JAK2: variants seen among roughly 807,000 people sequenced by gnomAD.
JAK2 encodes Janus kinase 2, also known as tyrosine-protein kinase JAK2.
A neutral mutation model predicts 139.3 loss-of-function variants in JAK2; 86 were observed. The observed-to-expected ratio is 0.62, with a 90% CI of 0.52 to 0.74. JAK2 has a LOEUF of 0.74. Among genes scored for constraint, JAK2 ranks in the 30% least tolerant of loss-of-function variants. The probability of loss-of-function intolerance (pLI) is 0.00; values close to 1 mark genes in which losing one functional copy is unlikely to be tolerated. For missense variants in JAK2, 1,421 were observed against 1,360.3 expected, an observed-to-expected ratio of 1.04 and a Z score of -0.70; for synonymous variants, 490 against 437.7, an observed-to-expected ratio of 1.12 and a Z score of -1.49.
chr9:5,047,624 T>A (rs1331941264), intron 5 of JAK2, among the ~76,000 whole-genome samples: 1 of 152,220 alleles, frequency 6.6e-6, no homozygotes, highest in East Asian at 1.9e-4. Context: ...TTTTGTCAGC[T>A]ACTCAAATGA....
At chr9:5,067,996 C>A (rs975395633) in intron 10 of JAK2, among the ~76,000 whole-genome samples, 1 of 151,794 alleles carries the variant, frequency 6.6e-6, no homozygotes, top group Non-Finnish European at 1.5e-5. Flanking sequence ...CCTGTCTCTA[C>A]CAAAATTACA....
chr9:4,988,096 C>T (rs990725103), intron 2 of JAK2, among the ~76,000 whole-genome samples: 1 of 152,166 alleles, frequency 6.6e-6, no homozygotes, highest in Non-Finnish European at 1.5e-5. Context: ...TATTGTGCTG[C>T]CCCCTTGTGG....
intron 2 of JAK2, among the ~76,000 whole-genome samples, chr9:5,017,335 C>G (rs772208732): frequency 6.6e-6 from 1 of 152,128 alleles, no homozygotes; most frequent in Non-Finnish European, 1.5e-5. Context: ...ACAAAACAAT[C>G]CAAAGTCAGT....
At chr9:5,075,165 T>G (rs1819225748) in intron 14 of JAK2, among the ~76,000 whole-genome samples, 3 of 151,972 alleles carry the variant, frequency 2.0e-5, no homozygotes, top group Admixed American at 2.0e-4. Context: ...TCATGAGGTT[T>G]AAGAAAAGAA....
At chr9:5,093,681 G>A (rs1168099588) in intron 22 of JAK2, among the ~76,000 whole-genome samples, 3 of 152,104 alleles carry the variant, frequency 2.0e-5, no homozygotes, top group Non-Finnish European at 4.4e-5. Context: ...TAGTCTAAGC[G>A]AGTTAATACA....
At chr9:5,011,195 C>G (rs922568938) in intron 2 of JAK2, among the ~76,000 whole-genome samples, 9 of 151,856 alleles carry the variant, frequency 5.9e-5, no homozygotes, top group Non-Finnish European at 1.0e-4. Context: ...TCAAGTATTT[C>G]CTCTGTTCCA....
chr9:4,998,639 A>C (rs2225125), intron 2 of JAK2, among the ~76,000 whole-genome samples: 2 of 151,722 alleles, frequency 1.3e-5, no homozygotes, highest in African/African-American at 4.8e-5. Flanking sequence ...GTGAATTATA[A>C]ATCTGGCTTT....
At chr9:5,042,540 C>T (rs1586690706) in intron 4 of JAK2, among the ~76,000 whole-genome samples, 1 of 152,206 alleles carries the variant, frequency 6.6e-6, no homozygotes, top group Non-Finnish European at 1.5e-5. Flanking sequence ...CCCCTCCACC[C>T]CCACCCCTCC....
intron 22 of JAK2, chr9:5,097,699 C>T (rs1821115192): frequency 6.6e-6 from 1 of 152,216 alleles, no homozygotes; most frequent in Admixed American, 6.5e-5. Flanking sequence ...ATTCATCTTT[C>T]TTTTCACAGT....
intron 22 of JAK2, chr9:5,112,580 C>T (rs953139481): frequency 7.0e-6 from 5 of 710,430 alleles, no homozygotes; most frequent in Non-Finnish European, 1.2e-5. Flanking sequence ...CTGCGGGTCC[C>T]TTAAGAGGGC....
chr9:5,021,214 CTG>C (rs1444100118), intron 2 of JAK2, among the ~76,000 whole-genome samples: 2 of 152,180 alleles, frequency 1.3e-5, no homozygotes, highest in African/African-American at 4.8e-5. Flanking sequence ...TATCACTTCT[CTG>C]TTGAATTTCC....
At chr9:5,085,733 G>T in intron 19 of JAK2, 1 of 753,854 alleles carries the variant, frequency 1.3e-6, no homozygotes, top group South Asian at 1.4e-5. Context: ...CTGCAATTAA[G>T]GCTGTGGCGC....
chr9:5,033,592 T>G (rs1330360375), intron 4 of JAK2, among the ~76,000 whole-genome samples: 3 of 152,184 alleles, frequency 2.0e-5, no homozygotes, highest in African/African-American at 7.2e-5. Context: ...TATTCAACAT[T>G]CTTAAAGAAA....
intron 19 of JAK2, chr9:5,086,240 C>G: frequency 1.7e-6 from 1 of 585,354 alleles, no homozygotes; most frequent in Non-Finnish European, 2.2e-6. Flanking sequence ...CTGAAAGTCG[C>G]GGTAGGATGG....
chr9:5,086,634 T>C (rs993809882), intron 19 of JAK2, among the ~76,000 whole-genome samples: 1 of 152,206 alleles, frequency 6.6e-6, no homozygotes, highest in Non-Finnish European at 1.5e-5. Context: ...AAAGTTATGA[T>C]TATGTTAAAT....
At chr9:5,027,096 T>C (rs1216214412) in intron 3 of JAK2, among the ~76,000 whole-genome samples, 1 of 152,192 alleles carries the variant, frequency 6.6e-6, no homozygotes, top group Non-Finnish European at 1.5e-5. Context: ...TCAGGGAAAC[T>C]TGAAAATTTG....
intron 8 of JAK2, among the ~76,000 whole-genome samples, chr9:5,058,531 G>C (rs1379598761): frequency 6.6e-6 from 1 of 152,164 alleles, no homozygotes; most frequent in African/African-American, 2.4e-5. Context: ...TTAAAGATGA[G>C]AGTTGGGTGG....
intron 2 of JAK2, among the ~76,000 whole-genome samples, chr9:4,987,093 TAC>T (rs1285022472): frequency 2.6e-5 from 4 of 152,234 alleles, no homozygotes; most frequent in Admixed American, 6.5e-5. Flanking sequence ...GTAACGTATG[TAC>T]AGACTGGATG....
Position 5,126,395 on chromosome 9 carries a change from A to G in JAK2, c.3240A>G (p.Glu1080=), listed in dbSNP as rs751405569. ...AGATGATCGTGTTCCATTTGATAGA[A>G]CTTTTGAAGAATAATGGAAGATTAC... The part of the protein sequence containing the change: ...QGQMIVFHLI[E]LLKNNGRLPR... Residue 1080 remains glutamate, a synonymous_variant, in exon 24 of 25, where the codon GAA becomes GAG. Coordinates refer to ENST00000381652, the MANE Select transcript of JAK2 (RefSeq NM_004972.4). 2 of 1,611,158 alleles carry G rather than the reference A, an allele frequency of 1.2e-6. No individual in the cohort carries two copies. Among genetic ancestry groups the G allele is most frequent in the Non-Finnish European group, 1.7e-6 (2 of 1,178,170 alleles).
Sources: allele counts gnomAD v4.1 joint callset (sites outside exome capture counted in the v4.1 genomes callset), GRCh38; gene constraint gnomAD v4.1.1; transcripts MANE v1.5; gene names NCBI Gene and HGNC (gene_info 2026-07-23, HGNC 2026-07-21).